The following EIPR1 variants were observed in gnomAD, a reference collection of about 807,000 sequenced individuals.
EIPR1 encodes EARP complex and GARP complex interacting protein 1, also known as EARP and GARP complex-interacting protein 1.
A neutral mutation model predicts 48.1 loss-of-function variants in EIPR1; 25 were observed. The ratio of observed to expected loss-of-function variants is 0.52; its 90% CI spans 0.38 to 0.73. The LOEUF (loss-of-function observed/expected upper bound fraction) is 0.73, where lower values mean the gene tolerates loss of function less well. Ranked by LOEUF, EIPR1 falls within the 30% of genes least tolerant of loss-of-function variation. The pLI is 0.00. For synonymous variants in EIPR1, 204 were observed against 201.9 expected (o/e 1.01, Z -0.09); for missense variants, 415 against 506.2 (o/e 0.82, Z 1.73).
intron 8 of EIPR1, among the ~76,000 whole-genome samples, chr2:3,191,246 C>G (rs1322317540): frequency 8.7e-6 from 1 of 115,428 alleles, no homozygotes; most frequent in South Asian, 3.3e-4. Context: ...ATGGGCCCAT[C>G]GCCACTGCAG....
chr2:3,291,580 T>C (rs904054280), intron 3 of EIPR1, among the ~76,000 whole-genome samples: 22 of 152,146 alleles, frequency 1.4e-4, no homozygotes, highest in Non-Finnish European at 1.8e-4. Context: ...TCCTAAAAAA[T>C]TGGTTTTTAA....
At chr2:3,287,269 A>ATTCACCACACTCCAGAAAGCTCG (rs1355240720) in intron 3 of EIPR1, among the ~76,000 whole-genome samples, 33 of 75,776 alleles carry the variant, frequency 4.4e-4, no homozygotes, top group African/African-American at 1.2e-3. Flanking sequence ...CAGAAAGCTC[A>ATTCACCACACTCCAGAAAGCTCG]TTCACCACAC....
intron 4 of EIPR1, among the ~76,000 whole-genome samples, chr2:3,236,064 T>C (rs536848512): frequency 7.9e-5 from 12 of 152,080 alleles, no homozygotes; most frequent in Non-Finnish European, 1.8e-4. Flanking sequence ...TCCACATGCA[T>C]GAAGGTGCTG....
chr2:3,298,832 G>A (rs1051932265), intron 3 of EIPR1, among the ~76,000 whole-genome samples: 1 of 152,050 alleles, frequency 6.6e-6, no homozygotes, highest in South Asian at 2.1e-4. Flanking sequence ...TTCCAGTGTC[G>A]GCACAAATGC....
intron 5 of EIPR1, among the ~76,000 whole-genome samples, chr2:3,203,321 T>C (rs1232231211): frequency 6.6e-6 from 1 of 152,248 alleles, no homozygotes; most frequent in African/African-American, 2.4e-5. Context: ...GGAACTGCGA[T>C]GGGCGTTACA....
chr2:3,367,209 A>T (rs1670997096), intron 1 of EIPR1, among the ~76,000 whole-genome samples: 1 of 151,896 alleles, frequency 6.6e-6, no homozygotes, highest in African/African-American at 2.4e-5. Context: ...TTGGGTGGGT[A>T]AATCCACGAG....
rs200285395 is a variant in EIPR1, at chr2:3,228,727, TCCCATG to T, written c.417-14485_417-14480del. Among the ~76,000 whole-genome samples, 1,094 of 152,264 alleles carry T rather than the reference TCCCATG, an allele frequency of 7.2e-3. 13 individuals are homozygous for T. The highest frequency in any genetic ancestry group is 0.025 in the African/African-American group (1,056 of 41,534). On this transcript the variant is annotated intron_variant, in intron 4 of 8. Transcript: ENST00000382125. ...ATAATTGAATCATGGGGGCAATTTC[TCCCATG>T]CTGTTCTTGTGATAATGAGTGAGTC...
At chr2:3,274,360 G>C (rs1161466546) in intron 3 of EIPR1, 1 of 1,550,546 alleles carries the variant, frequency 6.4e-7, no homozygotes. Context: ...GCTATGAACA[G>C]TTGGGCAGCT....
chr2:3,218,376 G>A (rs1245848343), intron 4 of EIPR1, among the ~76,000 whole-genome samples: 6 of 149,432 alleles, frequency 4.0e-5, no homozygotes, highest in Non-Finnish European at 7.4e-5. Flanking sequence ...AGTGAGTCAG[G>A]TGCACACCCA....
intron 4 of EIPR1, among the ~76,000 whole-genome samples, chr2:3,255,700 G>C (rs1275906044): frequency 6.6e-6 from 1 of 152,184 alleles, no homozygotes; most frequent in Non-Finnish European, 1.5e-5. Flanking sequence ...CAGCAGGACT[G>C]CCATCCGCTA....
chr2:3,284,886 G>A (rs1011793203), intron 3 of EIPR1, among the ~76,000 whole-genome samples: 7 of 151,856 alleles, frequency 4.6e-5, no homozygotes, highest in African/African-American at 7.3e-5. Context: ...GGGGTAGATC[G>A]TGGTGAGGTC....
chr2:3,322,150 C>T (rs1374526514), intron 3 of EIPR1, among the ~76,000 whole-genome samples: 1 of 152,166 alleles, frequency 6.6e-6, no homozygotes, highest in East Asian at 1.9e-4. Context: ...CACGGTCCTC[C>T]CCTGGCAGGG....
chr2:3,221,665 C>A (rs1572320090), intron 4 of EIPR1, among the ~76,000 whole-genome samples: 7 of 16,122 alleles, frequency 4.3e-4, no homozygotes, highest in Admixed American at 1.2e-3. Context: ...CACACGCACA[C>A]AATGGCCGAG....
chr2:3,269,450 AATC>A (rs1299920011), intron 3 of EIPR1, among the ~76,000 whole-genome samples: 1 of 65,160 alleles, frequency 1.5e-5, no homozygotes, highest in Non-Finnish European at 3.1e-5. Flanking sequence ...CACCACACTC[AATC>A]ATCACCACAC....
chr2:3,192,792 G>T (rs1664654981), intron 7 of EIPR1, among the ~76,000 whole-genome samples: 1 of 151,994 alleles, frequency 6.6e-6, no homozygotes. Context: ...AGACAGACAG[G>T]GAAGACTAAA....
chr2:3,257,999 A>G (rs549411340), intron 3 of EIPR1, among the ~76,000 whole-genome samples: 2 of 152,362 alleles, frequency 1.3e-5, no homozygotes, highest in African/African-American at 4.8e-5. Flanking sequence ...GAGGCATCGC[A>G]TGCTGAGGCC....
At chr2:3,192,639 T>A in intron 7 of EIPR1, 58 bp from the exon 8 acceptor site, 1 of 1,572,894 alleles carries the variant, frequency 6.4e-7, no homozygotes. Context: ...ACACCAACAA[T>A]GGATCACACC....
chr2:3,301,799 T>C (rs544184049), intron 3 of EIPR1, among the ~76,000 whole-genome samples: 1 of 152,358 alleles, frequency 6.6e-6, no homozygotes, highest in South Asian at 2.1e-4. Context: ...TACCTGTGGA[T>C]ACTCAAACCC....
chr2:3,194,702 G>GGCA (rs1469218601), intron 6 of EIPR1, among the ~76,000 whole-genome samples: 2 of 148,788 alleles, frequency 1.3e-5, no homozygotes, highest in African/African-American at 5.2e-5. Flanking sequence ...AGAAAGGGGG[G>GGCA]GGCAGTGGGG....
Sources: gnomAD v4.1 joint callset for allele counts (sites outside exome capture counted in the v4.1 genomes callset) on GRCh38, gnomAD v4.1.1 for gene constraint, MANE v1.5 for transcripts, NCBI Gene and HGNC (gene_info 2026-07-23, HGNC 2026-07-21) for gene names.